PLAUR: variants seen among roughly 807,000 people sequenced by gnomAD.
The protein encoded by PLAUR is plasminogen activator, urokinase receptor.
A neutral mutation model predicts 33.4 loss-of-function variants in PLAUR; 22 were observed. The ratio of observed to expected loss-of-function variants is 0.66; its 90% CI spans 0.47 to 0.94. PLAUR has a LOEUF of 0.94. Ranked by LOEUF, PLAUR falls within the 40% of genes least tolerant of loss-of-function variation. The pLI is 0.00. For synonymous variants in PLAUR, 148 were observed against 167.3 expected (o/e 0.88, Z 0.89); for missense variants, 408 against 434.7 (o/e 0.94, Z 0.55).
At chr19:43,652,144 C>A in intron 6 of PLAUR, 81 bp downstream of exon 6, 2 of 1,575,206 alleles carry the variant, frequency 1.3e-6, no homozygotes, top group Admixed American at 1.7e-5. Context: ...ACAGTTAACT[C>A]CAGCTTAACT....
intron 1 of PLAUR, among the ~76,000 whole-genome samples, chr19:43,668,778 C>G (rs1284796939): frequency 6.6e-6 from 1 of 151,818 alleles, no homozygotes; most frequent in Non-Finnish European, 1.5e-5. Context: ...GGTTATAACT[C>G]CGCCCTCTGG....
chr19:43,669,947 A>G (rs1967452489), intron 1 of PLAUR, 119 bp downstream of exon 1: 2 of 915,406 alleles, frequency 2.2e-6, no homozygotes, highest in Non-Finnish European at 3.4e-6. Context: ...AATTACTATT[A>G]TTTGATTAGG....
At chr19:43,651,442 T>G (rs998258303) in intron 6 of PLAUR, among the ~76,000 whole-genome samples, 7 of 151,804 alleles carry the variant, frequency 4.6e-5, no homozygotes, top group South Asian at 4.2e-4. Context: ...AAAGAGTTTT[T>G]TTTTTTTTTT....
intron 5 of PLAUR, among the ~76,000 whole-genome samples, chr19:43,653,865 C>T (rs373905118): frequency 1.2e-4 from 19 of 152,174 alleles, no homozygotes; most frequent in African/African-American, 4.6e-4. Flanking sequence ...GTGGCTCACG[C>T]CTGTAATCCC....
intron 3 of PLAUR, 56 bp downstream of exon 3, chr19:43,665,260 T>G: frequency 1.9e-6 from 3 of 1,562,176 alleles, no homozygotes; most frequent in Non-Finnish European, 2.6e-6. Context: ...GGGATGATGA[T>G]GAGGTTGAGC....
At chr19:43,662,040 T>C (rs1026073548) in intron 3 of PLAUR, among the ~76,000 whole-genome samples, 3 of 151,960 alleles carry the variant, frequency 2.0e-5, no homozygotes, top group African/African-American at 7.3e-5. Flanking sequence ...CCTGAATAGC[T>C]CTTAAATCTA....
intron 6 of PLAUR, among the ~76,000 whole-genome samples, chr19:43,650,396 G>A (rs374174955): frequency 4.0e-5 from 6 of 151,096 alleles, no homozygotes; most frequent in East Asian, 1.9e-4. Context: ...TGCAATCTCC[G>A]TTCACTGCAA....
chr19:43,648,991 G>A lies in PLAUR; in HGVS notation c.907C>T (p.Arg303Cys), dbSNP rs747989682. 27 of 1,614,064 alleles carry A rather than the reference G, an allele frequency of 1.7e-5. 1 individual carries two copies. Among genetic ancestry groups the A allele is most frequent in the Middle Eastern group, 1.6e-4 (1 of 6,084 alleles). ...CCAGGCTGAGGAGCAGCCCCACTGC[G>A]GTACTGGACATCCAGGTCTGGGTGG... ...CNHPDLDVQYRSGAAPQPGPA... is the reference protein window; with the variant it reads ...CNHPDLDVQYCSGAAPQPGPA... Residue 303 changes from arginine (R) to cysteine (C), a missense_variant, in exon 7 of 7, where the codon CGC becomes TGC. By Grantham distance (180) the Arg-to-Cys change is radical (BLOSUM62 -3). Transcript: ENST00000340093.
chr19:43,649,375 C>G (rs959009483), intron 6 of PLAUR, among the ~76,000 whole-genome samples: 2 of 151,708 alleles, frequency 1.3e-5, no homozygotes, highest in African/African-American at 4.8e-5. Context: ...GACAACATAG[C>G]AAAACTCTGT....
At chr19:43,652,184 C>A (rs928306003) in intron 6 of PLAUR, 41 bp downstream of exon 6, 1 of 1,606,192 alleles carries the variant, frequency 6.2e-7, no homozygotes, top group East Asian at 2.2e-5. Context: ...AACTCTCCAC[C>A]CCCAATAAGT....
chr19:43,662,661 A>G (rs1451802968), intron 3 of PLAUR, among the ~76,000 whole-genome samples: 2 of 150,574 alleles, frequency 1.3e-5, no homozygotes, highest in Non-Finnish European at 2.9e-5. Context: ...TTGTCCAGCC[A>G]CACTGCTTTT....
At chr19:43,651,713 G>A (rs1468555313) in intron 6 of PLAUR, 1 of 730,606 alleles carries the variant, frequency 1.4e-6, no homozygotes, top group African/African-American at 1.9e-5. Context: ...TGCAATTACA[G>A]GCGTGAGCCA....
downstream of PLAUR, among the ~76,000 whole-genome samples, chr19:43,647,120 T>A (rs879561371): frequency 1.3e-5 from 2 of 152,286 alleles, no homozygotes; most frequent in East Asian, 3.9e-4. Context: ...CAAGATTTGA[T>A]GGGGAATGTA....
chr19:43,668,757 G>C (rs1159662979), intron 1 of PLAUR, among the ~76,000 whole-genome samples: 1 of 146,684 alleles, frequency 6.8e-6, no homozygotes, highest in Admixed American at 6.9e-5. Context: ...CCACCTTCTA[G>C]CTCCTCCCGA....
At position 43,659,008 on chromosome 19, in the gene PLAUR, C is replaced by A. The variant is rs149077573; in HGVS notation, c.311-2368G>T. Among the ~76,000 whole-genome samples, 497 of 152,138 alleles carry A rather than the reference C, an allele frequency of 3.3e-3. 2 individuals are homozygous for A. Among genetic ancestry groups the A allele is most frequent in the African/African-American group, 0.011 (463 of 41,498 alleles). On this transcript the variant is annotated intron_variant, in intron 3 of 6. Transcript: ENST00000340093. Reference sequence around the variant, plus strand: ...ACCTCCTCTAGGAAGCCCTCCCTGACCCATCAGCCTGGAACGGGTACCTGC... The same window carrying A: ...ACCTCCTCTAGGAAGCCCTCCCTGAACCATCAGCCTGGAACGGGTACCTGC...
At chr19:43,666,516 C>G (rs1270833721) in intron 2 of PLAUR, among the ~76,000 whole-genome samples, 2 of 147,068 alleles carry the variant, frequency 1.4e-5, no homozygotes, top group Non-Finnish European at 3.0e-5. Flanking sequence ...TGCCTCTCTC[C>G]GTCCCTCCCT....
At chr19:43,663,416 A>G (rs1967091753) in intron 3 of PLAUR, among the ~76,000 whole-genome samples, 1 of 150,980 alleles carries the variant, frequency 6.6e-6, no homozygotes, top group East Asian at 2.0e-4. Flanking sequence ...CTGTGTTCCC[A>G]GCATCATGTA....
chr19:43,646,348 C>G (rs928790793), downstream of PLAUR: 3 of 644,382 alleles, frequency 4.7e-6, no homozygotes, highest in African/African-American at 3.7e-5. Flanking sequence ...TGTTTCTTCT[C>G]TATATCACAT....
Position 43,670,158 on chromosome 19 carries a change from G to T in PLAUR, c.-38C>A, listed in dbSNP as rs1967467266. On this transcript the variant is annotated 5_prime_UTR_variant, in exon 1 of 7. Transcript: ENST00000340093. ...GCTCCTGTGCGCGGGGTCCCTGCAC[G>T]TCTTCTCTCCTTCTGGCCTCAGGAA... 1.9e-6 allele frequency: 3 copies of T among 1,599,756 alleles called. No individual in the cohort carries two copies. The highest frequency in any genetic ancestry group is 4.5e-5 in the East Asian group (2 of 44,458).
Sources: allele counts gnomAD v4.1 joint callset (sites outside exome capture counted in the v4.1 genomes callset), GRCh38; gene constraint gnomAD v4.1.1; transcripts MANE v1.5; gene names NCBI Gene and HGNC (gene_info 2026-07-23, HGNC 2026-07-21).